TACR3: variants seen among roughly 807,000 people sequenced by gnomAD.
TACR3 encodes the protein tachykinin receptor 3.
In TACR3, 34 loss-of-function variants were observed where a neutral mutation model predicts 35.0. The observed-to-expected ratio is 0.97, with a 90% CI of 0.74 to 1.30. TACR3 has a LOEUF of 1.30. Among genes scored for constraint, TACR3 ranks in the 50% most tolerant of loss-of-function variants. The probability of loss-of-function intolerance (pLI) is 0.00; values close to 1 mark genes in which losing one functional copy is unlikely to be tolerated. For missense variants in TACR3, 558 were observed against 591.7 expected, an observed-to-expected ratio of 0.94 and a Z score of 0.59; for synonymous variants, 233 against 221.1, an observed-to-expected ratio of 1.05 and a Z score of -0.48.
intron 1 of TACR3, among the ~76,000 whole-genome samples, chr4:103,714,081 TG>T (rs1723032652): frequency 1.3e-5 from 2 of 152,172 alleles, no homozygotes. Context: ...CTTTCATGCT[TG>T]TTAGACATTT....
chr4:103,593,163 G>A lies in TACR3; in HGVS notation c.889-1480C>T, dbSNP rs541876291. On this transcript the variant is annotated intron_variant, in intron 3 of 4. Coordinates refer to ENST00000304883, the MANE Select transcript of TACR3 (RefSeq NM_001059.3). ...AATTTACATTTATGCAATATTTTACGTATTTAACAATTAATTAATTGTCTT... is the reference window on the plus strand; with the variant it reads ...AATTTACATTTATGCAATATTTTACATATTTAACAATTAATTAATTGTCTT... 30 of 152,014 alleles carry A rather than the reference G, an allele frequency of 2.0e-4. No homozygotes were observed. The South Asian group carries it at 3.5e-3, about 18-fold the overall frequency. 9.4% of individuals were successfully genotyped at this position (152,014 alleles called of 1,614,324 possible).
chr4:103,656,446 T>C (rs1194897201), intron 2 of TACR3, 102 bp from the exon 3 acceptor site: 9 of 1,072,200 alleles, frequency 8.4e-6, no homozygotes, highest in Non-Finnish European at 1.3e-5. Flanking sequence ...TACCAAGAGT[T>C]ATTTCTACAT....
chr4:103,594,401 C>G (rs1179218711), intron 3 of TACR3, among the ~76,000 whole-genome samples: 1 of 152,096 alleles, frequency 6.6e-6, no homozygotes, highest in Non-Finnish European at 1.5e-5. Context: ...TTGTCTCAAA[C>G]TCCTGACCTT....
intron 1 of TACR3, among the ~76,000 whole-genome samples, chr4:103,700,133 C>G (rs534633785): frequency 6.6e-6 from 1 of 152,050 alleles, no homozygotes; most frequent in Non-Finnish European, 1.5e-5. Flanking sequence ...GGATAAACAA[C>G]AAAAAACACA....
At chr4:103,657,016 G>C (rs997354596) in intron 2 of TACR3, among the ~76,000 whole-genome samples, 4 of 152,180 alleles carry the variant, frequency 2.6e-5, no homozygotes, top group African/African-American at 9.6e-5. Flanking sequence ...GTATGCTGCT[G>C]TGAATTATCA....
intron 3 of TACR3, among the ~76,000 whole-genome samples, chr4:103,654,133 G>A (rs1725680892): frequency 6.6e-6 from 1 of 151,376 alleles, no homozygotes; most frequent in Non-Finnish European, 1.5e-5. Flanking sequence ...GTGGAAGTCA[G>A]TGTGGCGATT....
chr4:103,603,446 C>A (rs1444244997), intron 3 of TACR3, among the ~76,000 whole-genome samples: 1 of 152,234 alleles, frequency 6.6e-6, no homozygotes, highest in South Asian at 2.1e-4. Context: ...GAACCCGGTA[C>A]CTCAGTTGGA....
chr4:103,644,459 T>G (rs1725419105), intron 3 of TACR3, among the ~76,000 whole-genome samples: 1 of 151,860 alleles, frequency 6.6e-6, no homozygotes, highest in Non-Finnish European at 1.5e-5. Context: ...TTAAAATATT[T>G]ATATAATTTC....
intron 3 of TACR3, among the ~76,000 whole-genome samples, chr4:103,647,503 A>T (rs1446997010): frequency 6.6e-6 from 1 of 152,038 alleles, no homozygotes; most frequent in East Asian, 1.9e-4. Context: ...CTTGAATATC[A>T]TAGTAATGTA....
chr4:103,589,525 A>T lies in TACR3; in HGVS notation c.*157T>A. The T allele has an allele frequency of 1.4e-6, 1 of 714,130 alleles. No homozygotes were observed. The highest frequency in any genetic ancestry group is 2.3e-6 in the Non-Finnish European group (1 of 437,202). 44.2% of individuals were successfully genotyped at this position (714,130 alleles called of 1,614,324 possible). A position where few individuals can be genotyped will look rare whatever the true frequency, so the allele number is the denominator to read the frequency against. On this transcript the variant is annotated 3_prime_UTR_variant, in exon 5 of 5. Transcript: ENST00000304883. ...CTAACATGTTATTAGTGTCTTTGTC[A>T]CATTTATACACTACCTTTCTCAATT... is the stretch of plus-strand genomic sequence containing the variant.
At chr4:103,592,338 T>C (rs1313660105) in intron 3 of TACR3, among the ~76,000 whole-genome samples, 1 of 152,240 alleles carries the variant, frequency 6.6e-6, no homozygotes, top group Non-Finnish European at 1.5e-5. Flanking sequence ...GCAACTGTTT[T>C]ATGCATTAGC....
At chr4:103,681,061 T>G in intron 1 of TACR3, among the ~76,000 whole-genome samples, 1 of 152,024 alleles carries the variant, frequency 6.6e-6, no homozygotes, top group Admixed American at 6.6e-5. Flanking sequence ...AAATAGAGCA[T>G]AATATTCTTC....
At chr4:103,647,965 C>T (rs1725497354) in intron 3 of TACR3, among the ~76,000 whole-genome samples, 1 of 151,932 alleles carries the variant, frequency 6.6e-6, no homozygotes, top group South Asian at 2.1e-4. Flanking sequence ...TTTCTACTGG[C>T]TATACTTCAA....
intron 3 of TACR3, among the ~76,000 whole-genome samples, chr4:103,629,881 C>CAAAAAA (rs1560814125): frequency 3.4e-4 from 40 of 117,660 alleles, no homozygotes; most frequent in African/African-American, 1.3e-3. Context: ...ACAAAAAAAA[C>CAAAAAA]AACAACAACA....
intron 3 of TACR3, among the ~76,000 whole-genome samples, chr4:103,604,163 A>G (rs779540590): frequency 3.9e-5 from 6 of 152,224 alleles, no homozygotes; most frequent in Non-Finnish European, 8.8e-5. Context: ...TAGTAACCAA[A>G]ACACCATGGT....
intron 1 of TACR3, among the ~76,000 whole-genome samples, chr4:103,697,829 C>G (rs1722557932): frequency 1.3e-5 from 2 of 152,122 alleles, no homozygotes; most frequent in Admixed American, 6.6e-5. Context: ...TTTATTCTAT[C>G]TTTAGTATAA....
At chr4:103,639,686 A>G (rs776021082) in intron 3 of TACR3, among the ~76,000 whole-genome samples, 16 of 152,022 alleles carry the variant, frequency 1.1e-4, no homozygotes, top group Non-Finnish European at 2.2e-4. Context: ...TACAGAAATA[A>G]TCAGTATAAT....
chr4:103,689,901 A>T (rs887370973), intron 1 of TACR3, among the ~76,000 whole-genome samples: 1 of 152,184 alleles, frequency 6.6e-6, no homozygotes, highest in Non-Finnish European at 1.5e-5. Context: ...TCATAAGTGC[A>T]GTGGTGAAAG....
intron 3 of TACR3, among the ~76,000 whole-genome samples, chr4:103,643,450 A>T (rs906188701): frequency 6.6e-6 from 1 of 151,590 alleles, no homozygotes; most frequent in Non-Finnish European, 1.5e-5. Context: ...AGAGAGAGAG[A>T]GAGAGATACA....
Sources: gnomAD v4.1 joint callset for allele counts (sites outside exome capture counted in the v4.1 genomes callset) on GRCh38, gnomAD v4.1.1 for gene constraint, MANE v1.5 for transcripts, NCBI Gene and HGNC (gene_info 2026-07-23, HGNC 2026-07-21) for gene names.